ESR1: variants seen among roughly 807,000 people sequenced by gnomAD.
ESR1 encodes the protein estrogen receptor.
A neutral mutation model predicts 52.7 loss-of-function variants in ESR1; 12 were observed. The observed-to-expected ratio is 0.23, with a 90% CI of 0.15 to 0.37. The LOEUF (loss-of-function observed/expected upper bound fraction) is 0.37. Ranked by LOEUF, ESR1 falls within the 10% of genes least tolerant of loss-of-function variation. ESR1 has a pLI of 1.00. For missense variants in ESR1, 584 were observed against 779.7 expected, an observed-to-expected ratio of 0.75 and a Z score of 2.99; for synonymous variants, 305 against 316.8, an observed-to-expected ratio of 0.96 and a Z score of 0.39.
At chr6:151,738,595 T>C (rs923645598) in intron 2 of ESR1, among the ~76,000 whole-genome samples, 1 of 152,186 alleles carries the variant, frequency 6.6e-6, no homozygotes, top group Admixed American at 6.5e-5. Context: ...GTTCTGAACA[T>C]AACATTTCTG....
At chr6:152,031,064 G>A (rs2044654111) in intron 5 of ESR1, among the ~76,000 whole-genome samples, 1 of 152,156 alleles carries the variant, frequency 6.6e-6, no homozygotes, top group African/African-American at 2.4e-5. Context: ...AATGAAGGCA[G>A]AAATAAAGAT....
At chr6:151,960,820 G>A (rs1253715823) in intron 4 of ESR1, among the ~76,000 whole-genome samples, 2 of 152,162 alleles carry the variant, frequency 1.3e-5, no homozygotes, top group African/African-American at 4.8e-5. Context: ...AATGAGGACC[G>A]ATGGTGGCTC....
At chr6:151,767,601 G>A (rs183253805) in intron 2 of ESR1, among the ~76,000 whole-genome samples, 17 of 152,298 alleles carry the variant, frequency 1.1e-4, no homozygotes, top group South Asian at 6.2e-4. Flanking sequence ...TGAATACAGC[G>A]TGATAGGTAA....
chr6:152,067,193 G>A (rs1214713050), intron 6 of ESR1, among the ~76,000 whole-genome samples: 1 of 152,182 alleles, frequency 6.6e-6, no homozygotes, highest in Non-Finnish European at 1.5e-5. Context: ...GTCCCAAATG[G>A]TGTGGATTTG....
At chr6:151,989,866 G>A (rs2040848261) in intron 4 of ESR1, among the ~76,000 whole-genome samples, 1 of 152,040 alleles carries the variant, frequency 6.6e-6, no homozygotes, top group Admixed American at 6.6e-5. Context: ...CTTAAGGGTA[G>A]GGTAGATGTA....
chr6:152,046,830 A>G (rs2046268036), intron 5 of ESR1, among the ~76,000 whole-genome samples: 1 of 152,202 alleles, frequency 6.6e-6, no homozygotes, highest in Non-Finnish European at 1.5e-5. Flanking sequence ...TCAGCATGAA[A>G]AGGCTGGCAA....
chr6:152,002,003 T>C (rs895946353), intron 4 of ESR1, among the ~76,000 whole-genome samples: 12 of 152,036 alleles, frequency 7.9e-5, no homozygotes, highest in African/African-American at 2.9e-4. Context: ...GTTGAAGCAT[T>C]GTCATATGCT....
intron 3 of ESR1, among the ~76,000 whole-genome samples, chr6:151,895,123 G>T (rs939733613): frequency 3.4e-4 from 30 of 88,608 alleles, no homozygotes; most frequent in Non-Finnish European, 5.5e-4. Flanking sequence ...GTTAGTTTTT[G>T]TTTTTTTTGG....
At chr6:152,017,306 A>G (rs961885858) in intron 5 of ESR1, among the ~76,000 whole-genome samples, 3 of 152,134 alleles carry the variant, frequency 2.0e-5, no homozygotes, top group African/African-American at 4.8e-5. Flanking sequence ...TTATAGGCCA[A>G]TTTTATCCTT....
chr6:151,952,265 T>C (rs2036412647), intron 4 of ESR1, among the ~76,000 whole-genome samples: 1 of 152,166 alleles, frequency 6.6e-6, no homozygotes, highest in Non-Finnish European at 1.5e-5. Flanking sequence ...TGCCTCAGGG[T>C]GCCTAACCTG....
Position 151,737,616 on chromosome 6 carries a change from C to A in ESR1, c.-71+35611C>A, listed in dbSNP as rs564810261. On this transcript the variant is annotated intron_variant, in intron 2 of 2. Transcript: ENST00000404742. ...TATTGTGCAGTGGAAAATGAGTGCA[C>A]CTTCAGCACCTGCCTCCCAGACATC... is the stretch of plus-strand genomic sequence containing the variant. 3.9e-5 allele frequency among the ~76,000 whole-genome samples: 6 copies of A among 152,238 alleles called. No individual in the cohort carries two copies. In the South Asian group the frequency reaches 1.2e-3, roughly 32 times the overall value.
chr6:151,998,038 T>C (rs1192853186), intron 4 of ESR1, among the ~76,000 whole-genome samples: 1 of 152,130 alleles, frequency 6.6e-6, no homozygotes, highest in East Asian at 1.9e-4. Context: ...TTACTTATTA[T>C]CTCTGTTTTA....
At chr6:151,977,441 CA>C (rs200819406) in intron 4 of ESR1, among the ~76,000 whole-genome samples, 6,586 of 130,394 alleles carry the variant, frequency 0.051, 394 homozygotes, top group African/African-American at 0.16. Context: ...CTGTGTAGTG[CA>C]AAAAAAAAAA....
chr6:151,917,259 A>G (rs1484503036), intron 3 of ESR1, among the ~76,000 whole-genome samples: 1 of 152,200 alleles, frequency 6.6e-6, no homozygotes, highest in African/African-American at 2.4e-5. Context: ...GAAATGGGAG[A>G]ACACAGAACT....
At chr6:151,806,573 T>TGG (rs1777924393), upstream of ESR1, among the ~76,000 whole-genome samples, 1 of 138,468 alleles carries the variant, frequency 7.2e-6, no homozygotes, top group Non-Finnish European at 1.6e-5. Context: ...TATATGTGTG[T>TGG]GTGTATGTGC....
chr6:152,092,131 T>C (rs188493617), intron 6 of ESR1, among the ~76,000 whole-genome samples: 2 of 152,328 alleles, frequency 1.3e-5, no homozygotes, highest in East Asian at 3.9e-4. Context: ...ACCACGGCCA[T>C]GGGAGGTTTG....
intron 2 of ESR1, among the ~76,000 whole-genome samples, chr6:151,779,131 C>A (rs148009501): frequency 0.07 from 10,713 of 152,106 alleles, 521 homozygotes; most frequent in Non-Finnish European, 0.086. Context: ...GCTTTTGTTG[C>A]CATTGCTTTT....
chr6:151,802,398 G>A (rs1228175162), upstream of ESR1, among the ~76,000 whole-genome samples: 2 of 152,188 alleles, frequency 1.3e-5, no homozygotes, highest in Non-Finnish European at 2.9e-5. Flanking sequence ...TCATGTCTCA[G>A]AGTGAAGGAA....
intron 3 of ESR1, among the ~76,000 whole-genome samples, chr6:151,896,023 C>T (rs576400846): frequency 4.6e-5 from 7 of 152,270 alleles, no homozygotes; most frequent in South Asian, 4.1e-4. Context: ...CTCCTGACCT[C>T]GTGATCCACC....
Sources: gnomAD v4.1 joint callset for allele counts (sites outside exome capture counted in the v4.1 genomes callset) on GRCh38, gnomAD v4.1.1 for gene constraint, MANE v1.5 for transcripts, NCBI Gene and HGNC (gene_info 2026-07-23, HGNC 2026-07-21) for gene names.